HOOK3: variants seen among roughly 807,000 people sequenced by gnomAD.
HOOK3 encodes the protein protein Hook homolog 3.
HOOK3 carries 24 observed loss-of-function variants against 116.3 expected under a neutral mutation model. That is an observed-to-expected ratio of 0.21 (90% CI 0.15 to 0.29). The LOEUF (loss-of-function observed/expected upper bound fraction) is 0.29, where lower values mean the gene tolerates loss of function less well. Among genes scored for constraint, HOOK3 ranks in the 10% least tolerant of loss-of-function variants. The pLI is 1.00. For synonymous variants in HOOK3, 275 were observed against 283.0 expected (o/e 0.97, Z 0.28); for missense variants, 632 against 830.2 (o/e 0.76, Z 2.93).
rs574484549 is a variant in HOOK3, at chr8:43,014,339, C to CATTT, written c.2016+964_2016+967dup. Reference sequence around the variant, plus strand: ...CAAGACAAGAAATGGGACCAGATTCCATTTATTTATTTATTTATTTATTTA... The same window carrying CATTT: ...CAAGACAAGAAATGGGACCAGATTCCATTTATTTATTTATTTATTTATTTATTTA... On this transcript the variant is annotated intron_variant, in intron 21 of 21. Transcript: ENST00000307602. Among the ~76,000 whole-genome samples, 617 of 149,090 alleles carry CATTT rather than the reference C, an allele frequency of 4.1e-3. 1 individual carries two copies. The highest frequency in any genetic ancestry group is 7.3e-3 in the African/African-American group (294 of 40,464).
chr8:42,949,041 C>G (rs1452169081), intron 5 of HOOK3, among the ~76,000 whole-genome samples: 2 of 152,136 alleles, frequency 1.3e-5, no homozygotes, highest in East Asian at 3.8e-4. Context: ...TATTTTAAAT[C>G]CTGTGTTGGG....
intron 5 of HOOK3, among the ~76,000 whole-genome samples, chr8:42,949,126 C>T (rs561363865): frequency 6.6e-6 from 1 of 152,250 alleles, no homozygotes; most frequent in Admixed American, 6.5e-5. Flanking sequence ...CATGGTAAGA[C>T]CCCTTCATAT....
chr8:43,025,424 G>A lies in HOOK3; in HGVS notation c.*6926G>A. The stretch of plus-strand genomic sequence containing the variant: ...AATTATAAACAAATATGCAGGCAGA[G>A]GGAAGTCCTAATACAATGAAAACTT... On this transcript the variant is annotated 3_prime_UTR_variant, in exon 22 of 22. Transcript: ENST00000307602. 1 of 214,374 alleles carries A rather than the reference G, an allele frequency of 4.7e-6. No individual in the cohort carries two copies. Among genetic ancestry groups the A allele is most frequent in the East Asian group, 7.0e-5 (1 of 14,282 alleles). The allele number at this position is 214,374 out of a possible 1,614,324, so 13.3% of individuals were successfully genotyped here.
chr8:42,950,571 T>G (rs1019239759), intron 6 of HOOK3, 116 bp downstream of exon 6: 1 of 591,898 alleles, frequency 1.7e-6, no homozygotes, highest in Non-Finnish European at 3.0e-6. Flanking sequence ...AGTTTTTACT[T>G]TGCATTTATG....
intron 15 of HOOK3, among the ~76,000 whole-genome samples, chr8:42,993,991 T>G (rs1405123238): frequency 1.3e-5 from 2 of 152,112 alleles, no homozygotes; most frequent in African/African-American, 4.8e-5. Flanking sequence ...TCAAATTCAT[T>G]TATTTCTGCT....
chr8:43,001,967 T>G (rs1809389948), intron 16 of HOOK3, 140 bp from the exon 17 acceptor site: 1 of 579,284 alleles, frequency 1.7e-6, no homozygotes, highest in African/African-American at 1.9e-5. Flanking sequence ...CTGGGGTACA[T>G]TGTGTGTTTT....
At chr8:42,964,781 C>A (rs375015307) in intron 9 of HOOK3, among the ~76,000 whole-genome samples, 3 of 135,498 alleles carry the variant, frequency 2.2e-5, no homozygotes, top group African/African-American at 8.3e-5. Flanking sequence ...GAGCCGAGAT[C>A]GTGCCACTGC....
At chr8:43,005,195 C>CTATA (rs1365303352) in intron 17 of HOOK3, among the ~76,000 whole-genome samples, 42 of 63,850 alleles carry the variant, frequency 6.6e-4, no homozygotes, top group South Asian at 6.3e-3. Flanking sequence ...CTCTCTCTCT[C>CTATA]TCTCTATATA....
At chr8:42,903,197 C>A (rs1247541747) in intron 1 of HOOK3, among the ~76,000 whole-genome samples, 1 of 152,082 alleles carries the variant, frequency 6.6e-6, no homozygotes, top group East Asian at 1.9e-4. Flanking sequence ...ATCAGCTTTC[C>A]CAAATAGACA....
In HOOK3 at chr8:43,007,829, T is replaced by C. The variant is rs374337366; in HGVS notation, c.1656-18T>C. The C allele has an allele frequency of 8.8e-5, 133 of 1,518,936 alleles. No individual in the cohort carries two copies. Among genetic ancestry groups the C allele is most frequent in the Non-Finnish European group, 1.2e-4 (128 of 1,109,610 alleles). 94.1% of individuals were successfully genotyped at this position (1,518,936 alleles called of 1,614,324 possible). A position where few individuals can be genotyped will look rare whatever the true frequency, so the allele number is the denominator to read the frequency against. The stretch of plus-strand genomic sequence containing the variant: ...ATTACAGAAGCAGTAGTAGGTGATG[T>C]TTACCTGTTTGTTACAGAGAGAAGC... On this transcript the variant is annotated intron_variant, in intron 17 of 21. Transcript: ENST00000307602.
intron 16 of HOOK3, chr8:43,000,387 A>G (rs1213366391): frequency 5.4e-6 from 3 of 550,592 alleles, no homozygotes; most frequent in Non-Finnish European, 9.3e-6. Flanking sequence ...TGCAAAACGA[A>G]TATCTGGATT....
chr8:42,969,485 C>G (rs560659983), intron 11 of HOOK3, among the ~76,000 whole-genome samples: 1 of 152,208 alleles, frequency 6.6e-6, no homozygotes, highest in African/African-American at 2.4e-5. Flanking sequence ...GTTAGCTGGG[C>G]ATGGTGGCAT....
intron 4 of HOOK3, 43 bp downstream of exon 4, chr8:42,930,215 G>T: frequency 6.9e-7 from 1 of 1,444,678 alleles, no homozygotes; most frequent in Non-Finnish European, 9.2e-7. Context: ...GTTACTATCG[G>T]ATAGTTTAAT....
chr8:42,975,918 G>T (rs540814342), intron 13 of HOOK3, among the ~76,000 whole-genome samples: 121 of 152,196 alleles, frequency 8.0e-4, no homozygotes, highest in African/African-American at 2.6e-3. Context: ...TGTTAGCCAG[G>T]ATGGTCTCAA....
At chr8:42,993,150 G>C (rs889299588) in intron 15 of HOOK3, among the ~76,000 whole-genome samples, 9 of 152,136 alleles carry the variant, frequency 5.9e-5, no homozygotes, top group African/African-American at 2.2e-4. Flanking sequence ...TTGCATACCT[G>C]GGATCAATCC....
At chr8:42,969,724 C>T (rs1808693344) in intron 11 of HOOK3, among the ~76,000 whole-genome samples, 1 of 152,178 alleles carries the variant, frequency 6.6e-6, no homozygotes, top group Admixed American at 6.5e-5. Context: ...TTTAATTATA[C>T]TTCATGTTAC....
At chr8:42,930,094 C>T in intron 3 of HOOK3, 28 bp from the exon 4 acceptor site, 1 of 1,547,992 alleles carries the variant, frequency 6.5e-7, no homozygotes, top group Non-Finnish European at 8.7e-7. Context: ...TTGCCTTTTA[C>T]CCAGTTGTTT....
At chr8:42,992,339 G>A (rs1390294762) in intron 15 of HOOK3, among the ~76,000 whole-genome samples, 3 of 146,728 alleles carry the variant, frequency 2.0e-5, no homozygotes, top group Non-Finnish European at 4.4e-5. Context: ...GGTGCAGCTT[G>A]CAGTGAGCTG....
At chr8:42,996,663 TACTG>T (rs1809275209) in intron 15 of HOOK3, among the ~76,000 whole-genome samples, 1 of 152,118 alleles carries the variant, frequency 6.6e-6, no homozygotes, top group Non-Finnish European at 1.5e-5. Flanking sequence ...ACTTTGGACA[TACTG>T]ACCTCTGTCT....
Sources: gnomAD v4.1 joint callset for allele counts (sites outside exome capture counted in the v4.1 genomes callset) on GRCh38, gnomAD v4.1.1 for gene constraint, MANE v1.5 for transcripts, NCBI Gene and HGNC (gene_info 2026-07-23, HGNC 2026-07-21) for gene names.